The following COL4A4 variants were observed in gnomAD, a reference collection of about 807,000 sequenced individuals.
COL4A4 encodes the protein collagen alpha-4(IV) chain.
A neutral mutation model predicts 192.9 loss-of-function variants in COL4A4; 105 were observed. The observed-to-expected ratio is 0.54, with a 90% CI of 0.46 to 0.64. COL4A4 has a LOEUF of 0.64. Among genes scored for constraint, COL4A4 ranks in the 30% least tolerant of loss-of-function variants. COL4A4 has a pLI of 0.00. For missense variants in COL4A4, 1,967 were observed against 2,169.3 expected (o/e 0.91, Z 1.85); for synonymous variants, 762 against 769.9 (o/e 0.99, Z 0.17).
rs748473278 is a variant in COL4A4, at chr2:227,052,304, CCT to C, written c.2967_2968del (p.Gly990Ter). 8 of 1,557,454 alleles carry C rather than the reference CCT, an allele frequency of 5.1e-6. No individual in the cohort carries two copies. In the South Asian group the frequency reaches 8.9e-5, roughly 17 times the overall value. On this transcript the variant is annotated frameshift_variant and splice_region_variant, in exon 32 of 48. Transcript: ENST00000396625. LOFTEE classifies it high-confidence loss of function. Reference sequence around the variant, plus strand: ...ATGGTTAAAAACTCTTAAGTGTTTACCTCTTTCTCCTGGGAATCCATCATCTC... The same window carrying C: ...ATGGTTAAAAACTCTTAAGTGTTTACCTTTCTCCTGGGAATCCATCATCTC...
intron 37 of COL4A4, 84 bp from the exon 38 acceptor site, chr2:227,033,565 AG>A: frequency 8.1e-7 from 1 of 1,235,328 alleles, no homozygotes; most frequent in Non-Finnish European, 1.2e-6. Flanking sequence ...ACTGCCCAGC[AG>A]AGGGCGCGTT....
intron 7 of COL4A4, among the ~76,000 whole-genome samples, chr2:227,117,283 A>C (rs2061538279): frequency 6.6e-6 from 1 of 152,238 alleles, no homozygotes; most frequent in Admixed American, 6.5e-5. Context: ...GTTAAAACTG[A>C]GAACCCTTGC....
intron 42 of COL4A4, among the ~76,000 whole-genome samples, chr2:227,026,324 C>T (rs1322753979): frequency 6.6e-6 from 1 of 151,886 alleles, no homozygotes; most frequent in Non-Finnish European, 1.5e-5. Context: ...GGTGAAACCC[C>T]GTCTCTACTA....
rs116451439 is a variant in COL4A4 at position 227,097,660 on chromosome 2, C to T, written c.1204+1034G>A. ...CCAGAGTCCAGTGCTTTCTGACCAA[C>T]GGAATACTCTATATTATTTATATAC... On this transcript the variant is annotated intron_variant, in intron 19 of 47. Transcript: ENST00000396625. Among the ~76,000 whole-genome samples, 786 of 152,220 alleles carry T rather than the reference C, an allele frequency of 5.2e-3. 6 individuals carry two copies. The highest frequency in any genetic ancestry group is 0.017 in the African/African-American group (726 of 41,526).
chr2:227,059,917 T>A (rs1486267147), intron 27 of COL4A4, among the ~76,000 whole-genome samples: 2 of 152,064 alleles, frequency 1.3e-5, no homozygotes, highest in South Asian at 2.1e-4. Context: ...CCACAACTTA[T>A]GCTTCAAGGT....
intron 42 of COL4A4, among the ~76,000 whole-genome samples, chr2:227,027,316 T>C (rs1476740631): frequency 2.0e-5 from 3 of 150,774 alleles, no homozygotes; most frequent in East Asian, 3.9e-4. Context: ...TTTGAGTTCA[T>C]GTCCTTTGTA....
rs901953987 is a variant in COL4A4, at chr2:227,008,125, C to T, written c.4702G>A (p.Val1568Ile). 6.2e-7 allele frequency: 1 copy of T among 1,614,016 alleles called. No homozygotes were observed. Among genetic ancestry groups the T allele is most frequent in the Admixed American group, 1.7e-5 (1 of 60,018 alleles). The change falls in exon 47 of 48, where the codon GTA (valine) becomes ATA (isoleucine). Residue 1568 changes from valine (V) to isoleucine (I), a missense_variant. Transcript: ENST00000396625. ...AIRPYVSRCA[V>I]CEAPAQAVAV... ...ACCGCCTGGGCCGGGGCCTCGCATACCGCACAGCGGCTGACATAGGGGCGG... is the reference window on the plus strand; with the variant it reads ...ACCGCCTGGGCCGGGGCCTCGCATATCGCACAGCGGCTGACATAGGGGCGG...
chr2:227,070,274 C>A (rs1402531492), intron 25 of COL4A4, among the ~76,000 whole-genome samples: 1 of 151,838 alleles, frequency 6.6e-6, no homozygotes, highest in Admixed American at 6.6e-5. Context: ...GTTGGTGGGA[C>A]TGTAAACTAG....
chr2:227,097,404 A>C (rs556203821), intron 19 of COL4A4, among the ~76,000 whole-genome samples: 3 of 152,390 alleles, frequency 2.0e-5, no homozygotes, highest in African/African-American at 7.2e-5. Flanking sequence ...TTTGTGTAAT[A>C]TAAATGTATA....
At position 227,005,395 on chromosome 2, in the gene COL4A4, A is replaced by G. The variant is rs1289208914; in HGVS notation, c.*1930T>C. ...ACTTTTAGGAGGGTTGACTTTTGGT[A>G]ATAGATAAAGCTTTTTGGGAAGGAG... On this transcript the variant is annotated 3_prime_UTR_variant, in exon 48 of 48. Transcript: ENST00000396625. The G allele has an allele frequency of 6.6e-6, 1 of 152,202 alleles. No homozygotes were observed. The highest frequency in any genetic ancestry group is 1.5e-5 in the Non-Finnish European group (1 of 68,026). The allele number at this position is 152,202 out of a possible 1,614,324, so 9.4% of individuals were successfully genotyped here. A position where few individuals can be genotyped will look rare whatever the true frequency, so the allele number is the denominator to read the frequency against.
intron 24 of COL4A4, 116 bp downstream of exon 24, chr2:227,080,327 A>G (rs2059256248): frequency 3.1e-6 from 3 of 955,810 alleles, no homozygotes; most frequent in African/African-American, 1.6e-5. Flanking sequence ...ACTCTGATTT[A>G]TAGTATGTTG....
At chr2:227,045,875 CAT>C (rs1158359458) in intron 35 of COL4A4, among the ~76,000 whole-genome samples, 5 of 75,488 alleles carry the variant, frequency 6.6e-5, no homozygotes, top group Admixed American at 1.6e-4. Context: ...CATATATATA[CAT>C]ATATATGTAT....
At chr2:226,990,019 CT>C in the COL4A4 span, among the ~76,000 whole-genome samples, 1 of 152,124 alleles carries the variant, frequency 6.6e-6, no homozygotes, top group Non-Finnish European at 1.5e-5. Flanking sequence ...TAAATATTAC[CT>C]TTCTCGTAAA....
At chr2:227,073,168 T>C (rs759855051) in intron 25 of COL4A4, among the ~76,000 whole-genome samples, 2 of 152,024 alleles carry the variant, frequency 1.3e-5, no homozygotes, top group Non-Finnish European at 2.9e-5. Context: ...TCAAAAATAC[T>C]CTTAGATATG....
chr2:227,017,691 C>T (rs1965196912), intron 44 of COL4A4, among the ~76,000 whole-genome samples: 1 of 152,182 alleles, frequency 6.6e-6, no homozygotes, highest in Non-Finnish European at 1.5e-5. Flanking sequence ...GTCATCCACC[C>T]ATATTGGGCA....
At chr2:227,042,071 G>T in intron 37 of COL4A4, 77 bp downstream of exon 37, 1 of 892,492 alleles carries the variant, frequency 1.1e-6, no homozygotes, top group Non-Finnish European at 1.9e-6. Flanking sequence ...TCACTCACTG[G>T]TACAGGAAAA....
the COL4A4 span, chr2:226,996,992 A>G: frequency 6.6e-6 from 1 of 152,134 alleles, no homozygotes; most frequent in Non-Finnish European, 1.5e-5. Context: ...TGTCTTATCA[A>G]TTTTTCCGTT....
At chr2:227,132,944 C>T (rs769630237) in intron 4 of COL4A4, among the ~76,000 whole-genome samples, 15 of 152,104 alleles carry the variant, frequency 9.9e-5, no homozygotes, top group African/African-American at 2.7e-4. Context: ...ATTAGTCAGA[C>T]GTTACATTTG....
At chr2:227,033,952 G>A (rs997059994) in intron 37 of COL4A4, among the ~76,000 whole-genome samples, 10 of 152,234 alleles carry the variant, frequency 6.6e-5, no homozygotes, top group Admixed American at 5.9e-4. Context: ...TCAGACGAGA[G>A]GACGCATGGC....
Sources: gnomAD v4.1 joint callset for allele counts (sites outside exome capture counted in the v4.1 genomes callset) on GRCh38, gnomAD v4.1.1 for gene constraint, MANE v1.5 for transcripts, NCBI Gene and HGNC (gene_info 2026-07-23, HGNC 2026-07-21) for gene names.